The following DNAJC15 variants were observed in gnomAD, a reference collection of about 807,000 sequenced individuals.
DNAJC15 encodes the protein dnaJ homolog subfamily C member 15.
A neutral mutation model predicts 22.4 loss-of-function variants in DNAJC15; 27 were observed. That is an observed-to-expected ratio of 1.20 (90% CI 0.89 to 1.66). The LOEUF is 1.66. DNAJC15 is among the 40% of genes most tolerant of loss of function. The pLI, the probability that DNAJC15 is intolerant of heterozygous loss-of-function variation, is 0.00. For synonymous variants in DNAJC15, 79 were observed against 63.2 expected (o/e 1.25, Z -1.19); for missense variants, 208 against 187.1 (o/e 1.11, Z -0.65).
chr13:43,066,020 AAG>A (rs1347188530), intron 2 of DNAJC15, among the ~76,000 whole-genome samples: 2 of 152,212 alleles, frequency 1.3e-5, no homozygotes, highest in Non-Finnish European at 2.9e-5. Flanking sequence ...ATACTATAAA[AAG>A]AAATTTTAAT....
At chr13:43,068,245 T>C (rs886727665) in intron 2 of DNAJC15, among the ~76,000 whole-genome samples, 2 of 152,122 alleles carry the variant, frequency 1.3e-5, no homozygotes, top group African/African-American at 4.8e-5. Flanking sequence ...TTTACTCTTA[T>C]TTGATGCCCT....
intron 2 of DNAJC15, 42 bp from the exon 3 acceptor site, chr13:43,068,879 TTGATTTTGA>T: frequency 6.6e-7 from 1 of 1,507,140 alleles, no homozygotes; most frequent in Non-Finnish European, 9.1e-7. Context: ...AAGGTGTTGA[TTGATTTTGA>T]TTATAGAAAA....
At position 43,107,358 on chromosome 13, in the gene DNAJC15, A is replaced by G; in HGVS notation, c.*110A>G. The G allele has an allele frequency of 1.2e-6, 1 of 832,588 alleles. No homozygotes were observed. Among genetic ancestry groups the G allele is most frequent in the Non-Finnish European group, 1.7e-6 (1 of 580,178 alleles). The allele number at this position is 832,588 out of a possible 1,614,324, so 51.6% of individuals were successfully genotyped here. On this transcript the variant is annotated 3_prime_UTR_variant, in exon 6 of 6. Coordinates refer to ENST00000379221, the MANE Select transcript of DNAJC15 (RefSeq NM_013238.3). ...TCTTAATTTTCTATATGGATTGACC[A>G]CAGTCTTATCTTCCACCATTAAGCT... is the stretch of plus-strand genomic sequence containing the variant.
intron 1 of DNAJC15, among the ~76,000 whole-genome samples, chr13:43,050,781 C>A (rs1244203474): frequency 6.6e-6 from 1 of 151,850 alleles, no homozygotes; most frequent in African/African-American, 2.4e-5. Flanking sequence ...ATTTTTTTAG[C>A]CTTGATTTGA....
intron 3 of DNAJC15, among the ~76,000 whole-genome samples, chr13:43,071,990 T>A (rs2040611333): frequency 6.6e-6 from 1 of 152,206 alleles, no homozygotes; most frequent in African/African-American, 2.4e-5. Context: ...CTCCTTGAAA[T>A]CTGGTGAAGC....
At chr13:43,042,798 A>G (rs993028725) in intron 1 of DNAJC15, among the ~76,000 whole-genome samples, 2 of 152,224 alleles carry the variant, frequency 1.3e-5, no homozygotes, top group African/African-American at 4.8e-5. Context: ...ATTGGCCCAC[A>G]TAGATTATCA....
chr13:43,032,652 C>A (rs1470113831), intron 1 of DNAJC15, among the ~76,000 whole-genome samples: 1 of 152,102 alleles, frequency 6.6e-6, no homozygotes, highest in Non-Finnish European at 1.5e-5. Flanking sequence ...GGCGAAACCC[C>A]ACCTTTACTA....
At chr13:43,065,230 A>G (rs73473990) in intron 1 of DNAJC15, among the ~76,000 whole-genome samples, 5,141 of 152,246 alleles carry the variant, frequency 0.034, 303 homozygotes, top group African/African-American at 0.12. Flanking sequence ...ATCATTTTTG[A>G]TAAGTTTGGA....
At chr13:43,094,512 G>T (rs998065790) in intron 5 of DNAJC15, among the ~76,000 whole-genome samples, 1 of 152,218 alleles carries the variant, frequency 6.6e-6, no homozygotes, top group Admixed American at 6.5e-5. Context: ...GGGGTGTTCA[G>T]TGGGGTCCCT....
In DNAJC15 at chr13:43,112,008, A is replaced by G. The variant is rs1214628466; in HGVS notation, c.*4760A>G. 2.0e-5 allele frequency: 3 copies of G among 152,368 alleles called. No homozygotes were observed. The highest frequency in any genetic ancestry group is 2.1e-4 in the South Asian group (1 of 4,828). The allele number at this position is 152,368 out of a possible 1,614,324, so 9.4% of individuals were successfully genotyped here. The stretch of plus-strand genomic sequence containing the variant: ...GAGAAGGTTCTCTGGACTCATTTTT[A>G]TAGGTGGAACCTAAGTGATCTGGAT... On this transcript the variant is annotated 3_prime_UTR_variant, in exon 6 of 6. Coordinates refer to ENST00000379221, the MANE Select transcript of DNAJC15 (RefSeq NM_013238.3).
rs1320236233 is a variant in DNAJC15 at position 43,113,639 on chromosome 13, C to A, written c.*6391C>A. The A allele has an allele frequency of 6.6e-6, 1 of 152,186 alleles. No homozygotes were observed. Among genetic ancestry groups the A allele is most frequent in the Non-Finnish European group, 1.5e-5 (1 of 68,036 alleles). 9.4% of individuals were successfully genotyped at this position (152,186 alleles called of 1,614,324 possible). The stretch of plus-strand genomic sequence containing the variant: ...ATACACCTATATGCAAGAGTGTATT[C>A]CAAAGCTAACTCAGTGATCTTTCCA... On this transcript the variant is annotated 3_prime_UTR_variant, in exon 6 of 6. Transcript: ENST00000379221.
In DNAJC15 at chr13:43,084,196, T is replaced by G. The variant is rs184123002; in HGVS notation, c.312-1572T>G. Among the ~76,000 whole-genome samples, 153 of 152,314 alleles carry G rather than the reference T, an allele frequency of 1.0e-3. 1 individual carries two copies. The highest frequency in any genetic ancestry group is 3.5e-3 in the African/African-American group (144 of 41,584). On this transcript the variant is annotated intron_variant, in intron 4 of 5. Coordinates refer to ENST00000379221, the MANE Select transcript of DNAJC15 (RefSeq NM_013238.3). ...AGAGTTTAATTGGTAATAATGACAA[T>G]GCTGTGAGCCATCCAAGAAATGTTA...
chr13:43,076,992 C>A (rs1189563837), intron 3 of DNAJC15, among the ~76,000 whole-genome samples: 1 of 152,142 alleles, frequency 6.6e-6, no homozygotes, highest in Non-Finnish European at 1.5e-5. Flanking sequence ...ATTTCTATAC[C>A]ACAAAGTGTT....
intron 5 of DNAJC15, among the ~76,000 whole-genome samples, chr13:43,086,996 G>A (rs927512351): frequency 9.2e-5 from 14 of 152,102 alleles, no homozygotes; most frequent in African/African-American, 3.1e-4. Context: ...TCAGCATTGT[G>A]GCCTTGAAAA....
At chr13:43,026,202 G>C (rs1181773758) in intron 1 of DNAJC15, among the ~76,000 whole-genome samples, 1 of 152,164 alleles carries the variant, frequency 6.6e-6, no homozygotes, top group Non-Finnish European at 1.5e-5. Context: ...CATGGCACTT[G>C]CACTTATGGA....
At chr13:43,082,733 A>C (rs954715742) in intron 4 of DNAJC15, among the ~76,000 whole-genome samples, 1 of 152,156 alleles carries the variant, frequency 6.6e-6, no homozygotes, top group African/African-American at 2.4e-5. Flanking sequence ...ATTTTGACGG[A>C]GTAATTTTCA....
chr13:43,106,850 T>A (rs1016074612), intron 5 of DNAJC15, among the ~76,000 whole-genome samples: 1 of 151,770 alleles, frequency 6.6e-6, no homozygotes, highest in Non-Finnish European at 1.5e-5. Context: ...TGCCTAACCA[T>A]CCACTTAATT....
chr13:43,059,149 T>C (rs941942680), intron 1 of DNAJC15, among the ~76,000 whole-genome samples: 1 of 145,250 alleles, frequency 6.9e-6, no homozygotes, highest in East Asian at 1.9e-4. Flanking sequence ...CTCTCCACCG[T>C]TTTTTTCTTT....
Position 43,065,697 on chromosome 13 carries a change from G to A in DNAJC15, c.120G>A (p.Leu40=). 6.2e-7 allele frequency: 1 copy of A among 1,613,028 alleles called. No individual in the cohort carries two copies. Among genetic ancestry groups the A allele is most frequent in the South Asian group, 1.1e-5 (1 of 90,984 alleles). The part of the protein sequence containing the change: ...DVDQQRLVRS[L]IAVGLGVAAL... ...TTTTTCTTCCATAGGTAAGAAGTTT[G>A]ATAGCTGTAGGACTGGGTGTTGCAG... Residue 40 remains leucine, a synonymous_variant, in exon 2 of 6, where the codon TTG becomes TTA. Coordinates refer to ENST00000379221, the MANE Select transcript of DNAJC15 (RefSeq NM_013238.3).
Sources: gnomAD v4.1 joint callset for allele counts (sites outside exome capture counted in the v4.1 genomes callset) on GRCh38, gnomAD v4.1.1 for gene constraint, MANE v1.5 for transcripts, NCBI Gene and HGNC (gene_info 2026-07-23, HGNC 2026-07-21) for gene names.